KCNMB2: variants seen among roughly 807,000 people sequenced by gnomAD.
KCNMB2 encodes the protein potassium calcium-activated channel subfamily M regulatory beta subunit 2.
A neutral mutation model predicts 24.5 loss-of-function variants in KCNMB2; 9 were observed. The ratio of observed to expected loss-of-function variants is 0.37; its 90% CI spans 0.22 to 0.64. The LOEUF (loss-of-function observed/expected upper bound fraction) is 0.64, where lower values mean the gene tolerates loss of function less well. Among genes scored for constraint, KCNMB2 ranks in the 30% least tolerant of loss-of-function variants. The pLI is 0.63. For missense variants in KCNMB2, 226 were observed against 284.3 expected (o/e 0.79, Z 1.47); for synonymous variants, 109 against 104.4 (o/e 1.04, Z -0.27).
At chr3:178,557,405 A>T (rs1253338564) in intron 1 of KCNMB2, among the ~76,000 whole-genome samples, 3 of 152,100 alleles carry the variant, frequency 2.0e-5, no homozygotes, top group Non-Finnish European at 4.4e-5. Context: ...CTTTGAAAGG[A>T]CTCCTGATGA....
intron 1 of KCNMB2, chr3:178,801,986 C>T (rs1051335625): frequency 3.9e-5 from 6 of 152,238 alleles, no homozygotes; most frequent in Non-Finnish European, 8.8e-5. Context: ...TGAACTAAAA[C>T]AAAGTAAAGT....
chr3:178,722,136 T>C (rs1478363477), intron 1 of KCNMB2, among the ~76,000 whole-genome samples: 1 of 152,008 alleles, frequency 6.6e-6, no homozygotes, highest in African/African-American at 2.4e-5. Flanking sequence ...GATTTCCCCA[T>C]TTTTTTTCTA....
At chr3:178,608,671 A>G (rs1324063948) in intron 1 of KCNMB2, among the ~76,000 whole-genome samples, 1 of 151,990 alleles carries the variant, frequency 6.6e-6, no homozygotes, top group East Asian at 1.9e-4. Context: ...TCAGCCCCCA[A>G]CTACCCTTCC....
chr3:178,757,995 ATAT>A (rs1724220753), intron 1 of KCNMB2, among the ~76,000 whole-genome samples: 2 of 11,374 alleles, frequency 1.8e-4, no homozygotes, highest in African/African-American at 5.1e-4. Context: ...ATATATATAT[ATAT>A]CTAGATATAT....
chr3:178,634,664 C>A (rs1197376365), intron 1 of KCNMB2, among the ~76,000 whole-genome samples: 1 of 152,074 alleles, frequency 6.6e-6, no homozygotes, highest in Non-Finnish European at 1.5e-5. Flanking sequence ...AACCATATCA[C>A]ACGGTTTGGT....
At chr3:178,778,899 G>A (rs1712708120) in intron 1 of KCNMB2, among the ~76,000 whole-genome samples, 4 of 152,164 alleles carry the variant, frequency 2.6e-5, no homozygotes, top group Non-Finnish European at 4.4e-5. Flanking sequence ...GAATGGCACA[G>A]CATAAAGTTT....
intron 1 of KCNMB2, among the ~76,000 whole-genome samples, chr3:178,602,390 T>C (rs1466585487): frequency 1.3e-5 from 2 of 151,982 alleles, no homozygotes; most frequent in East Asian, 3.9e-4. Flanking sequence ...TTCAGTGAAA[T>C]AAAGCTTTAG....
chr3:178,722,275 T>C (rs1165313231), intron 1 of KCNMB2, among the ~76,000 whole-genome samples: 1 of 152,214 alleles, frequency 6.6e-6, no homozygotes, highest in Non-Finnish European at 1.5e-5. Flanking sequence ...ATTGTTCCAA[T>C]AGCCTTGTTG....
At chr3:178,698,564 C>T (rs1721966971) in intron 1 of KCNMB2, among the ~76,000 whole-genome samples, 2 of 152,194 alleles carry the variant, frequency 1.3e-5, no homozygotes, top group Non-Finnish European at 2.9e-5. Flanking sequence ...TCAACATACT[C>T]CTGTAGCTCA....
At chr3:178,548,078 T>C (rs1051180424) in intron 1 of KCNMB2, among the ~76,000 whole-genome samples, 1 of 152,212 alleles carries the variant, frequency 6.6e-6, no homozygotes, top group Non-Finnish European at 1.5e-5. Flanking sequence ...AGTCCCTTTA[T>C]TGGAACACTT....
intron 1 of KCNMB2, among the ~76,000 whole-genome samples, chr3:178,757,972 TAGA>T (rs1724217076): frequency 1.4e-5 from 1 of 71,106 alleles, no homozygotes; most frequent in Non-Finnish European, 2.7e-5. Context: ...GATATATATA[TAGA>T]CACAAGAGGA....
chr3:178,606,717 T>TC (rs796495695), intron 1 of KCNMB2, among the ~76,000 whole-genome samples: 17 of 151,810 alleles, frequency 1.1e-4, no homozygotes, highest in African/African-American at 3.6e-4. Flanking sequence ...AATGTTTGCA[T>TC]CCCCCCCACC....
At chr3:178,627,685 G>A (rs1719170681) in intron 1 of KCNMB2, among the ~76,000 whole-genome samples, 1 of 152,166 alleles carries the variant, frequency 6.6e-6, no homozygotes, top group Non-Finnish European at 1.5e-5. Flanking sequence ...CTGACCTGCA[G>A]CTGCTAATCA....
intron 1 of KCNMB2, among the ~76,000 whole-genome samples, chr3:178,734,879 G>A (rs917396088): frequency 6.6e-6 from 1 of 152,200 alleles, no homozygotes; most frequent in African/African-American, 2.4e-5. Context: ...TCTCACTAAC[G>A]TTCATATTCA....
rs187480378 is a variant in KCNMB2 at position 178,619,204 on chromosome 3, G to C, written c.-68+82493G>C. Among the ~76,000 whole-genome samples the C allele has an allele frequency of 2.0e-5, 3 of 152,302 alleles. No individual in the cohort carries two copies. The East Asian group carries it at 5.8e-4, about 29-fold the overall frequency. On this transcript the variant is annotated intron_variant, in intron 1 of 4. Coordinates refer to ENST00000452583, the MANE Select transcript of KCNMB2 (RefSeq NM_181361.3). The stretch of plus-strand genomic sequence containing the variant: ...TAGTAGGGGAAGGAGAGTGAGACTG[G>C]AGGGCCTTATATACTATCTTTCCTT...
chr3:178,635,092 G>A (rs1542527), intron 1 of KCNMB2, among the ~76,000 whole-genome samples: 10 of 151,886 alleles, frequency 6.6e-5, no homozygotes, highest in African/African-American at 2.2e-4. Flanking sequence ...GGGCAGCACC[G>A]CAGACAAGGT....
intron 1 of KCNMB2, among the ~76,000 whole-genome samples, chr3:178,763,449 T>C (rs1369866458): frequency 6.6e-6 from 1 of 152,010 alleles, no homozygotes; most frequent in East Asian, 1.9e-4. Context: ...GAAATCGATT[T>C]AGATGAGGAG....
chr3:178,806,493 T>C (rs186650229), intron 1 of KCNMB2, among the ~76,000 whole-genome samples: 43 of 152,332 alleles, frequency 2.8e-4, no homozygotes, highest in African/African-American at 1.0e-3. Context: ...TATGCATCCA[T>C]GAAGGAATCA....
intron 1 of KCNMB2, among the ~76,000 whole-genome samples, chr3:178,636,395 C>T (rs568642948): frequency 1.3e-4 from 19 of 151,732 alleles, no homozygotes; most frequent in South Asian, 2.1e-4. Context: ...CAATAACTTA[C>T]GAAAAAAATA....
Sources: gnomAD v4.1 joint callset for allele counts (sites outside exome capture counted in the v4.1 genomes callset) on GRCh38, gnomAD v4.1.1 for gene constraint, MANE v1.5 for transcripts, NCBI Gene and HGNC (gene_info 2026-07-23, HGNC 2026-07-21) for gene names.